Variants in MAP2K5 observed in about 807,000 individuals in gnomAD.
The protein encoded by MAP2K5 is dual specificity mitogen-activated protein kinase kinase 5.
In MAP2K5, 49 loss-of-function variants were observed where a neutral mutation model predicts 83.1. The ratio of observed to expected loss-of-function variants is 0.59; its 90% CI spans 0.47 to 0.75. The LOEUF is 0.75. Ranked by LOEUF, MAP2K5 falls within the 30% of genes least tolerant of loss-of-function variation. The pLI is 0.00. For synonymous variants in MAP2K5, 202 were observed against 191.8 expected (o/e 1.05, Z -0.44); for missense variants, 457 against 557.5 (o/e 0.82, Z 1.82).
intron 17 of MAP2K5, among the ~76,000 whole-genome samples, chr15:67,729,350 C>G (rs140776574): frequency 1.4e-4 from 22 of 152,258 alleles, no homozygotes; most frequent in African/African-American, 5.3e-4. Flanking sequence ...TCAAACAAAT[C>G]TTAGTAGAAA....
chr15:67,601,660 A>T lies in MAP2K5; in HGVS notation c.545+911A>T, dbSNP rs536208384. Among the ~76,000 whole-genome samples the T allele has an allele frequency of 1.6e-4, 24 of 152,348 alleles. No homozygotes were observed. The East Asian group carries it at 2.9e-3, about 18-fold the overall frequency. The stretch of plus-strand genomic sequence containing the variant: ...TAACTTATTTTCTAATTGGTTACCC[A>T]TGTTCTTAGAATTTTAAGTTCTGAC... On this transcript the variant is annotated intron_variant, in intron 8 of 21. Transcript: ENST00000178640.
chr15:67,549,596 A>T (rs7164713), intron 1 of MAP2K5, among the ~76,000 whole-genome samples: 22,432 of 152,222 alleles, frequency 0.15, 2,149 homozygotes, highest in African/African-American at 0.26. Flanking sequence ...AAGTATTACC[A>T]GACCCATTTT....
chr15:67,579,216 CA>C (rs140202181), intron 3 of MAP2K5, among the ~76,000 whole-genome samples: 9 of 152,102 alleles, frequency 5.9e-5, no homozygotes, highest in Non-Finnish European at 1.2e-4. Flanking sequence ...AGCAATGTTC[CA>C]AATAGCCACT....
chr15:67,669,697 A>C (rs1410116412), intron 13 of MAP2K5, among the ~76,000 whole-genome samples: 1 of 152,148 alleles, frequency 6.6e-6, no homozygotes, highest in Non-Finnish European at 1.5e-5. Context: ...ATTGCTTGTG[A>C]CTTTTAAGAG....
chr15:67,603,285 C>G (rs2085702814), intron 8 of MAP2K5, among the ~76,000 whole-genome samples: 1 of 152,146 alleles, frequency 6.6e-6, no homozygotes, highest in East Asian at 1.9e-4. Flanking sequence ...TAGAACTTCT[C>G]CTTTAATTAG....
At chr15:67,635,861 C>T (rs1360243011) in intron 9 of MAP2K5, among the ~76,000 whole-genome samples, 1 of 152,138 alleles carries the variant, frequency 6.6e-6, no homozygotes, top group African/African-American at 2.4e-5. Flanking sequence ...TTAGAATTGG[C>T]TTCATTCTGG....
intron 16 of MAP2K5, among the ~76,000 whole-genome samples, chr15:67,706,164 AAT>A (rs1310264321): frequency 1.3e-5 from 2 of 152,182 alleles, no homozygotes; most frequent in Non-Finnish European, 2.9e-5. Context: ...TGCATATTGA[AAT>A]ATGTGTCTGT....
At chr15:67,765,618 C>T (rs1015474521) in intron 19 of MAP2K5, among the ~76,000 whole-genome samples, 1 of 152,130 alleles carries the variant, frequency 6.6e-6, no homozygotes, top group Non-Finnish European at 1.5e-5. Context: ...TTTGGAGTGT[C>T]CAGCTTACCT....
rs987572740 is a variant in MAP2K5, at chr15:67,722,175, G to A, written c.1045-5741G>A. On this transcript the variant is annotated intron_variant, in intron 16 of 21. Transcript: ENST00000178640. The surrounding 1 kb of genome is among the most constrained non-coding windows in gnomAD (Gnocchi z 4.2). ...GTCACTTCATCAGTCTCTGTTACTC[G>A]CACTTATGCCCCTCCACAGGGGTTG... Among the ~76,000 whole-genome samples, 2 of 151,958 alleles carry A rather than the reference G, an allele frequency of 1.3e-5. No homozygotes were observed. The highest frequency in any genetic ancestry group is 1.9e-4 in the East Asian group (1 of 5,186).
intron 16 of MAP2K5, 68 bp downstream of exon 16, chr15:67,703,476 G>T (rs1056243969): frequency 3.1e-6 from 4 of 1,278,542 alleles, no homozygotes; most frequent in Admixed American, 3.7e-5. Context: ...GAAAAGTGAA[G>T]ATTTTGAAAG....
intron 1 of MAP2K5, among the ~76,000 whole-genome samples, chr15:67,544,335 T>C (rs954712005): frequency 6.6e-6 from 1 of 152,240 alleles, no homozygotes; most frequent in Non-Finnish European, 1.5e-5. Context: ...CATCTTAGAA[T>C]TGGTGATATT....
intron 15 of MAP2K5, among the ~76,000 whole-genome samples, chr15:67,701,823 G>C (rs1042173496): frequency 1.3e-5 from 2 of 152,202 alleles, no homozygotes; most frequent in African/African-American, 2.4e-5. Flanking sequence ...ATACTGACCA[G>C]CTCAAGGCTG....
At chr15:67,681,139 G>A (rs954313405) in intron 13 of MAP2K5, among the ~76,000 whole-genome samples, 1 of 152,116 alleles carries the variant, frequency 6.6e-6, no homozygotes, top group Non-Finnish European at 1.5e-5. Context: ...AAGCACACAG[G>A]CCCACTTCAT....
At chr15:67,797,233 C>T (rs528795899) in intron 21 of MAP2K5, among the ~76,000 whole-genome samples, 2 of 152,342 alleles carry the variant, frequency 1.3e-5, no homozygotes, top group African/African-American at 4.8e-5. Flanking sequence ...ATCATTACTG[C>T]AGTTGTGGCT....
chr15:67,614,712 A>C (rs899679933), intron 8 of MAP2K5, among the ~76,000 whole-genome samples: 2 of 152,208 alleles, frequency 1.3e-5, no homozygotes, highest in African/African-American at 4.8e-5. Context: ...AGGCCACATC[A>C]ACTTGTGGAA....
In MAP2K5 at chr15:67,728,051, C is replaced by G. The variant is rs1006234967; in HGVS notation, c.1074+106C>G. On this transcript the variant is annotated intron_variant, in intron 17 of 21. Coordinates refer to ENST00000178640, the MANE Select transcript of MAP2K5 (RefSeq NM_145160.3). ...TGAGCCACATACAAATAAATCTGTC[C>G]TGTTAAATTGAAAAGTGGTATCTTA... is the stretch of plus-strand genomic sequence containing the variant. 4 of 968,576 alleles carry G rather than the reference C, an allele frequency of 4.1e-6. No homozygotes were observed. In the African/African-American group the frequency reaches 4.9e-5, roughly 12 times the overall value. 60.0% of individuals were successfully genotyped at this position (968,576 alleles called of 1,614,324 possible).
intron 13 of MAP2K5, among the ~76,000 whole-genome samples, 191 bp downstream of exon 13, chr15:67,664,836 T>A (rs1390797110): frequency 6.6e-5 from 10 of 152,206 alleles, no homozygotes; most frequent in Admixed American, 2.6e-4. Context: ...ATTATAAACT[T>A]GGTAGTGTGT....
intron 3 of MAP2K5, among the ~76,000 whole-genome samples, chr15:67,580,387 G>C (rs2085153200): frequency 6.6e-6 from 1 of 152,168 alleles, no homozygotes; most frequent in Admixed American, 6.5e-5. Flanking sequence ...CCAATGTGAA[G>C]CTTCTTCATT....
At chr15:67,704,233 A>T (rs939147665) in intron 16 of MAP2K5, among the ~76,000 whole-genome samples, 2 of 152,190 alleles carry the variant, frequency 1.3e-5, no homozygotes, top group Admixed American at 6.5e-5. Flanking sequence ...AAATTGATTC[A>T]GATAAAGAAG....
Sources: allele counts gnomAD v4.1 joint callset (sites outside exome capture counted in the v4.1 genomes callset), GRCh38; gene constraint gnomAD v4.1.1; non-coding constraint Gnocchi (gnomAD v3.1); transcripts MANE v1.5; gene names NCBI Gene and HGNC (gene_info 2026-07-23, HGNC 2026-07-21).